MCU: variants seen among roughly 807,000 people sequenced by gnomAD.
The protein encoded by MCU is mitochondrial calcium uniporter, also known as calcium uniporter protein, mitochondrial.
A neutral mutation model predicts 45.2 loss-of-function variants in MCU; 12 were observed. The ratio of observed to expected loss-of-function variants is 0.27; its 90% confidence interval spans 0.17 to 0.43. The LOEUF (loss-of-function observed/expected upper bound fraction) is 0.43, where lower values mean the gene tolerates loss of function less well. Among genes scored for constraint, MCU ranks in the 20% least tolerant of loss-of-function variants. The pLI is 1.00. For missense variants in MCU, 324 were observed against 436.7 expected (o/e 0.74, Z 2.30); for synonymous variants, 160 against 165.1 (o/e 0.97, Z 0.24).
chr10:72,803,564 G>T (rs891222051), intron 1 of MCU, among the ~76,000 whole-genome samples: 18 of 151,592 alleles, frequency 1.2e-4, no homozygotes, highest in South Asian at 8.4e-4. Flanking sequence ...AATTTTTTTT[G>T]TAATAAACTT....
chr10:72,830,606 A>G (rs912434642), intron 1 of MCU, among the ~76,000 whole-genome samples: 1 of 152,220 alleles, frequency 6.6e-6, no homozygotes, highest in Non-Finnish European at 1.5e-5. Flanking sequence ...TTTAAAAGTT[A>G]CTACATAAAC....
rs1393594418 is a variant in MCU at position 72,887,082 on chromosome 10, T to C, written c.*1260T>C. The stretch of plus-strand genomic sequence containing the variant: ...GAGTCAAAGGAATCTGTGTCTAATA[T>C]CCTGTTTTTAACTGCTGTAGGGGCA... On this transcript the variant is annotated 3_prime_UTR_variant, in exon 8 of 8. Coordinates refer to ENST00000373053, the MANE Select transcript of MCU (RefSeq NM_138357.3). The C allele has an allele frequency of 6.6e-6, 1 of 152,364 alleles. No homozygotes were observed. The highest frequency in any genetic ancestry group is 1.5e-5 in the Non-Finnish European group (1 of 68,030). The allele number at this position is 152,364 out of a possible 1,614,324, so 9.4% of individuals were successfully genotyped here.
intron 1 of MCU, among the ~76,000 whole-genome samples, chr10:72,768,218 G>T (rs1452482032): frequency 6.6e-6 from 1 of 152,092 alleles, no homozygotes; most frequent in Non-Finnish European, 1.5e-5. Flanking sequence ...TTCTGTTTCT[G>T]CAATCCTTGG....
chr10:72,741,848 GA>G (rs773066156), intron 1 of MCU, among the ~76,000 whole-genome samples: 4 of 152,008 alleles, frequency 2.6e-5, no homozygotes, highest in African/African-American at 4.8e-5. Flanking sequence ...CTAAGACGGT[GA>G]AACCCTGTCT....
chr10:72,796,676 G>A (rs1272045638), intron 1 of MCU, among the ~76,000 whole-genome samples: 1 of 148,970 alleles, frequency 6.7e-6, no homozygotes, highest in Non-Finnish European at 1.5e-5. Flanking sequence ...ACCACGCCTG[G>A]CTACTTTTTA....
At chr10:72,770,511 T>G (rs1224017255) in intron 1 of MCU, among the ~76,000 whole-genome samples, 3 of 152,122 alleles carry the variant, frequency 2.0e-5, no homozygotes, top group African/African-American at 4.8e-5. Flanking sequence ...TTATTAAATA[T>G]TATAGGTATA....
At chr10:72,728,445 G>A (rs1262300176) in intron 1 of MCU, among the ~76,000 whole-genome samples, 4 of 152,168 alleles carry the variant, frequency 2.6e-5, no homozygotes, top group Non-Finnish European at 5.9e-5. Context: ...ATTTAGATTT[G>A]AGTAGTCAGA....
chr10:72,742,022 C>CAAAAAAAAAAAA (rs59028044), intron 1 of MCU, among the ~76,000 whole-genome samples: 6 of 72,886 alleles, frequency 8.2e-5, no homozygotes, highest in East Asian at 7.2e-4. Flanking sequence ...GACTCCGTCT[C>CAAAAAAAAAAAA]AAAAAAAAAA....
chr10:72,877,773 A>G (rs1845638510), intron 6 of MCU, among the ~76,000 whole-genome samples: 1 of 152,318 alleles, frequency 6.6e-6, no homozygotes, highest in South Asian at 2.1e-4. Flanking sequence ...GGAGAGGCCA[A>G]GAAGCTGAGC....
chr10:72,758,554 ATTTC>A (rs1300006749), intron 1 of MCU, among the ~76,000 whole-genome samples: 3 of 152,142 alleles, frequency 2.0e-5, no homozygotes, highest in African/African-American at 7.2e-5. Flanking sequence ...AAGGCAGTCT[ATTTC>A]TTTTTTCTGA....
intron 2 of MCU, among the ~76,000 whole-genome samples, chr10:72,839,866 A>AGGCTGG (rs1845021121): frequency 6.9e-6 from 1 of 145,684 alleles, no homozygotes; most frequent in East Asian, 2.1e-4. Context: ...CAGGAGGCTG[A>AGGCTGG]GGCTGGGGAA....
intron 1 of MCU, among the ~76,000 whole-genome samples, chr10:72,787,501 T>C (rs1364963907): frequency 6.6e-6 from 1 of 152,052 alleles, no homozygotes; most frequent in Non-Finnish European, 1.5e-5. Context: ...ACTCCTGACC[T>C]CAGGTAATCT....
chr10:72,813,450 CTTTTTTTTTTTTTT>C (rs71021537), intron 1 of MCU, among the ~76,000 whole-genome samples: 11 of 76,220 alleles, frequency 1.4e-4, no homozygotes, highest in African/African-American at 6.3e-4. Context: ...CCAGCTCTCT[CTTTTTTTTTTTTTT>C]TTTTTTTTTT....
At chr10:72,783,194 A>G (rs1844021709) in intron 1 of MCU, among the ~76,000 whole-genome samples, 1 of 152,186 alleles carries the variant, frequency 6.6e-6, no homozygotes, top group Non-Finnish European at 1.5e-5. Context: ...GACTTTTCAA[A>G]TTAGATTTTA....
intron 2 of MCU, among the ~76,000 whole-genome samples, chr10:72,847,364 A>G (rs942736430): frequency 1.3e-5 from 2 of 152,316 alleles, no homozygotes; most frequent in Middle Eastern, 3.4e-3. Flanking sequence ...GAAGAATTCC[A>G]AGGTTTATAA....
intron 1 of MCU, among the ~76,000 whole-genome samples, chr10:72,774,150 T>G (rs1004236416): frequency 2.6e-5 from 4 of 152,330 alleles, no homozygotes; most frequent in Admixed American, 2.0e-4. Context: ...CTTATAACTC[T>G]AATATGAAGC....
chr10:72,780,511 A>AGAGTGT (rs778332838), intron 1 of MCU, among the ~76,000 whole-genome samples: 1 of 110,584 alleles, frequency 9.0e-6, no homozygotes, highest in African/African-American at 3.2e-5. Context: ...TCTTTGGCTA[A>AGAGTGT]GTGTGTGTGT....
intron 1 of MCU, among the ~76,000 whole-genome samples, chr10:72,781,561 A>C (rs1006777578): frequency 6.6e-6 from 1 of 152,150 alleles, no homozygotes; most frequent in Non-Finnish European, 1.5e-5. Context: ...TCGGAGTTTG[A>C]GTATTTATGG....
intron 1 of MCU, chr10:72,731,236 C>A (rs1564540943): frequency 6.6e-6 from 1 of 152,082 alleles, no homozygotes; most frequent in East Asian, 1.9e-4. Context: ...CTGCCTTATT[C>A]TTTTTAAGTG....
Sources: allele counts gnomAD v4.1 joint callset (sites outside exome capture counted in the v4.1 genomes callset), GRCh38; gene constraint gnomAD v4.1.1; transcripts MANE v1.5; gene names NCBI Gene and HGNC (gene_info 2026-07-23, HGNC 2026-07-21).